FBXL7: variants seen among roughly 807,000 people sequenced by gnomAD.
The protein encoded by FBXL7 is F-box/LRR-repeat protein 7.
FBXL7 carries 12 observed loss-of-function variants against 38.3 expected under a neutral mutation model. The observed-to-expected ratio is 0.31, with a 90% CI of 0.20 to 0.51. The LOEUF is 0.51. FBXL7 is among the 20% of genes least tolerant of loss of function. The pLI, the probability that FBXL7 is intolerant of heterozygous loss-of-function variation, is 0.98. For missense variants in FBXL7, 567 were observed against 676.4 expected (o/e 0.84, Z 1.79); for synonymous variants, 297 against 300.9 (o/e 0.99, Z 0.13).
At chr5:15,852,714 A>T (rs1369462239) in intron 2 of FBXL7, among the ~76,000 whole-genome samples, 1 of 151,988 alleles carries the variant, frequency 6.6e-6, no homozygotes, top group South Asian at 2.1e-4. Flanking sequence ...ATATATGCCT[A>T]CATAGATCTC....
At chr5:15,932,293 G>A (rs968560505) in intron 3 of FBXL7, among the ~76,000 whole-genome samples, 1 of 152,102 alleles carries the variant, frequency 6.6e-6, no homozygotes, top group African/African-American at 2.4e-5. Context: ...TCAATAAATC[G>A]CAGCTGTCAT....
chr5:15,825,920 G>A (rs1379813746), intron 2 of FBXL7, among the ~76,000 whole-genome samples: 1 of 152,192 alleles, frequency 6.6e-6, no homozygotes, highest in Non-Finnish European at 1.5e-5. Flanking sequence ...AAAACCAGGA[G>A]CAAACCCGGG....
At chr5:15,684,689 A>G (rs992599243) in intron 2 of FBXL7, among the ~76,000 whole-genome samples, 1 of 152,218 alleles carries the variant, frequency 6.6e-6, no homozygotes, top group Non-Finnish European at 1.5e-5. Context: ...GATATGTACA[A>G]TGCAAAGAGT....
At chr5:15,855,246 T>C (rs992274148) in intron 2 of FBXL7, among the ~76,000 whole-genome samples, 4 of 152,174 alleles carry the variant, frequency 2.6e-5, no homozygotes, top group Non-Finnish European at 4.4e-5. Context: ...ATTTTGTTAA[T>C]GTGTAAAATA....
At position 15,593,839 on chromosome 5, in the gene FBXL7, T is replaced by C. The variant is rs148903359; in HGVS notation, c.38-22144T>C. On this transcript the variant is annotated intron_variant, in intron 1 of 3. Transcript: ENST00000504595. ...ATATACTCCAGAGAAAAATTCAGTG[T>C]ATGTAACTACGTCTTGGGCACTATC... 1.5e-3 allele frequency among the ~76,000 whole-genome samples: 221 copies of C among 152,336 alleles called. 1 individual carries two copies. The highest frequency in any genetic ancestry group is 5.1e-3 in the African/African-American group (211 of 41,578).
chr5:15,891,181 A>G (rs896163459), intron 2 of FBXL7, among the ~76,000 whole-genome samples: 1 of 152,200 alleles, frequency 6.6e-6, no homozygotes, highest in Non-Finnish European at 1.5e-5. Flanking sequence ...ATTCTACTGT[A>G]GGCACTCAGA....
At chr5:15,567,232 G>T (rs554436161) in intron 1 of FBXL7, among the ~76,000 whole-genome samples, 1 of 152,110 alleles carries the variant, frequency 6.6e-6, no homozygotes, top group Non-Finnish European at 1.5e-5. Flanking sequence ...GTTTCCTGAT[G>T]TGTAAGATGA....
chr5:15,728,132 T>C (rs557078019), intron 2 of FBXL7, among the ~76,000 whole-genome samples: 9 of 152,264 alleles, frequency 5.9e-5, no homozygotes, highest in African/African-American at 2.2e-4. Flanking sequence ...TTGGAATTTC[T>C]CCCTATATTT....
chr5:15,897,138 A>G (rs1483632083), intron 2 of FBXL7, among the ~76,000 whole-genome samples: 1 of 152,164 alleles, frequency 6.6e-6, no homozygotes, highest in Non-Finnish European at 1.5e-5. Flanking sequence ...ATCTCTCTCT[A>G]TATATACGTA....
chr5:15,740,495 T>C (rs1735868106), intron 2 of FBXL7, among the ~76,000 whole-genome samples: 1 of 152,234 alleles, frequency 6.6e-6, no homozygotes, highest in Non-Finnish European at 1.5e-5. Context: ...CAGAGCTCTT[T>C]AGATTTCATT....
rs543663797 is a variant in FBXL7 at position 15,893,009 on chromosome 5, G to A, written c.128-34881G>A. Among the ~76,000 whole-genome samples the A allele has an allele frequency of 2.5e-4, 38 of 152,036 alleles. No individual in the cohort carries two copies. The Middle Eastern group carries it at 0.01, about 41-fold the overall frequency. ...TGGGCACCTGTAGTCCCAGCTACTCGGGAGGCTGAGACAGGAGAATGGCGC... is the reference window on the plus strand; with the variant it reads ...TGGGCACCTGTAGTCCCAGCTACTCAGGAGGCTGAGACAGGAGAATGGCGC... On this transcript the variant is annotated intron_variant, in intron 2 of 3. Transcript: ENST00000504595.
At chr5:15,866,026 C>A (rs1453986771) in intron 2 of FBXL7, among the ~76,000 whole-genome samples, 1 of 152,100 alleles carries the variant, frequency 6.6e-6, no homozygotes, top group African/African-American at 2.4e-5. Flanking sequence ...TTAAAGATGA[C>A]AACAATGGGA....
intron 2 of FBXL7, among the ~76,000 whole-genome samples, chr5:15,762,262 A>G (rs1406894014): frequency 6.6e-6 from 1 of 152,222 alleles, no homozygotes; most frequent in Admixed American, 6.5e-5. Flanking sequence ...TTGCTTCGTC[A>G]AAGACAGAAA....
chr5:15,502,062 T>C (rs571439333), intron 1 of FBXL7, among the ~76,000 whole-genome samples: 9 of 152,142 alleles, frequency 5.9e-5, no homozygotes, highest in Non-Finnish European at 1.3e-4. Context: ...GTTAATATTA[T>C]AAAAATGTGA....
intron 1 of FBXL7, among the ~76,000 whole-genome samples, chr5:15,611,128 G>A (rs1740218846): frequency 6.6e-6 from 1 of 152,118 alleles, no homozygotes; most frequent in Non-Finnish European, 1.5e-5. Flanking sequence ...TAAAATTTAT[G>A]TAATCACCAA....
intron 2 of FBXL7, among the ~76,000 whole-genome samples, chr5:15,799,341 GC>G (rs1737497818): frequency 7.0e-6 from 1 of 142,842 alleles, no homozygotes; most frequent in Non-Finnish European, 1.5e-5. Flanking sequence ...TTAGGTGCCT[GC>G]CCTAAACCCC....
chr5:15,582,875 A>G (rs1262432025), intron 1 of FBXL7, among the ~76,000 whole-genome samples: 1 of 152,048 alleles, frequency 6.6e-6, no homozygotes, highest in Admixed American at 6.5e-5. Flanking sequence ...CTTTTATATT[A>G]ATCATTATCA....
chr5:15,810,979 C>T (rs1737845165), intron 2 of FBXL7, among the ~76,000 whole-genome samples: 1 of 152,098 alleles, frequency 6.6e-6, no homozygotes, highest in South Asian at 2.1e-4. Context: ...CAAAAGCAAA[C>T]ACACAAATTG....
At chr5:15,678,400 T>C (rs1449041770) in intron 2 of FBXL7, among the ~76,000 whole-genome samples, 1 of 152,154 alleles carries the variant, frequency 6.6e-6, no homozygotes, top group Non-Finnish European at 1.5e-5. Context: ...TTAAATTGCT[T>C]ACCGGTGTCA....
Sources: allele counts gnomAD v4.1 joint callset (sites outside exome capture counted in the v4.1 genomes callset), GRCh38; gene constraint gnomAD v4.1.1; transcripts MANE v1.5; gene names NCBI Gene and HGNC (gene_info 2026-07-23, HGNC 2026-07-21).